The following SYNE3 variants were observed in gnomAD, a reference collection of about 807,000 sequenced individuals.
SYNE3 encodes spectrin repeat containing nuclear envelope family member 3, also known as nesprin-3.
In SYNE3, 100 loss-of-function variants were observed where a neutral mutation model predicts 111.2. The observed-to-expected ratio is 0.90, with a 90% CI of 0.77 to 1.06. The LOEUF is 1.06. SYNE3 is among the 50% of genes least tolerant of loss of function. The pLI, the probability that SYNE3 is intolerant of heterozygous loss-of-function variation, is 0.00. For synonymous variants in SYNE3, 547 were observed against 533.9 expected, an observed-to-expected ratio of 1.02 and a Z score of -0.34; for missense variants, 1,160 against 1,240.3, an observed-to-expected ratio of 0.94 and a Z score of 0.97.
chr14:95,483,380 T>G (rs1889369218), intron 1 of SYNE3, among the ~76,000 whole-genome samples: 1 of 152,180 alleles, frequency 6.6e-6, no homozygotes, highest in Non-Finnish European at 1.5e-5. Flanking sequence ...CACTCGGCTG[T>G]CCTGTGACTC....
chr14:95,456,537 C>G (rs1887450052), intron 5 of SYNE3, among the ~76,000 whole-genome samples: 1 of 152,214 alleles, frequency 6.6e-6, no homozygotes, highest in African/African-American at 2.4e-5. Context: ...CCTCTACCCT[C>G]TTAGGACATT....
At chr14:95,444,291 G>T in intron 10 of SYNE3, 194 bp downstream of exon 10, 1 of 660,016 alleles carries the variant, frequency 1.5e-6, no homozygotes, top group Non-Finnish European at 2.4e-6. Flanking sequence ...TCAAGACTCA[G>T]TTGTTTGAGG....
At chr14:95,494,009 GCGAGAATTCAAAT>G (rs1889968396) in intron 1 of SYNE3, among the ~76,000 whole-genome samples, 1 of 152,122 alleles carries the variant, frequency 6.6e-6, no homozygotes, top group Non-Finnish European at 1.5e-5. Flanking sequence ...TAGCTGGGAG[GCGAGAATTCAAAT>G]CTAACACCAT....
At chr14:95,468,933 A>G (rs546480452) in intron 2 of SYNE3, among the ~76,000 whole-genome samples, 14 of 152,172 alleles carry the variant, frequency 9.2e-5, no homozygotes, top group Non-Finnish European at 1.8e-4. Context: ...TTCCAATCCC[A>G]GGGCCACTCC....
At chr14:95,472,292 C>T (rs1043391880) in intron 2 of SYNE3, among the ~76,000 whole-genome samples, 2 of 152,240 alleles carry the variant, frequency 1.3e-5, no homozygotes, top group African/African-American at 2.4e-5. Flanking sequence ...CTGCCTGGCT[C>T]AGGCCAGGAC....
chr14:95,443,216 T>C lies in SYNE3; in HGVS notation c.1850A>G (p.Asn617Ser), dbSNP rs910953674. The change falls in exon 11 of 18, where the codon AAC (asparagine) becomes AGC (serine). Residue 617 changes from asparagine (N) to serine (S), a missense_variant. Coordinates refer to ENST00000682763, the MANE Select transcript of SYNE3 (RefSeq NM_152592.6). ...AAGCTGGTCCATTTTGTGCTGGTGG[T>C]TGGGGTTCTCCTGGACCAGAGGCCT... ...AARPLVQENP[N>S]HQHKMDQLSS... The C allele has an allele frequency of 1.9e-6, 3 of 1,614,010 alleles. No homozygotes were observed. The highest frequency in any genetic ancestry group is 2.7e-5 in the African/African-American group (2 of 74,910).
At chr14:95,474,939 A>G (rs937409366) in intron 2 of SYNE3, among the ~76,000 whole-genome samples, 1 of 152,252 alleles carries the variant, frequency 6.6e-6, no homozygotes, top group Non-Finnish European at 1.5e-5. Context: ...GAGGTGTGGA[A>G]GTCAACTGCT....
chr14:95,473,152 G>A lies in SYNE3; in HGVS notation c.144+2526C>T, dbSNP rs147401379. On this transcript the variant is annotated intron_variant, in intron 2 of 17. Coordinates refer to ENST00000682763, the MANE Select transcript of SYNE3 (RefSeq NM_152592.6). ...AAACACACAGTAAATGAAGCATGCCGGAGCCCCGTGGGAGGAGACACTGGC... is the reference window on the plus strand; with the variant it reads ...AAACACACAGTAAATGAAGCATGCCAGAGCCCCGTGGGAGGAGACACTGGC... Among the ~76,000 whole-genome samples the A allele has an allele frequency of 9.2e-5, 14 of 152,190 alleles. No individual in the cohort carries two copies. The East Asian group carries it at 1.9e-3, about 21-fold the overall frequency.
At position 95,409,313 on chromosome 14, in the gene SYNE3, T is replaced by C. The variant is rs774091478; in HGVS notation, c.*8513A>G. On this transcript the variant is annotated 3_prime_UTR_variant, in exon 18 of 18. Coordinates refer to ENST00000682763, the MANE Select transcript of SYNE3 (RefSeq NM_152592.6). ...GCTTTTTGAAAGTGTCATGACCATA[T>C]TGCAGGCGCTCGGGGTATGTTTTCT... is the stretch of plus-strand genomic sequence containing the variant. 4.4e-6 allele frequency: 2 copies of C among 456,744 alleles called. No individual in the cohort carries two copies. Among genetic ancestry groups the C allele is most frequent in the South Asian group, 3.1e-5 (2 of 64,572 alleles). 28.3% of individuals were successfully genotyped at this position (456,744 alleles called of 1,614,324 possible).
chr14:95,457,207 C>G lies in SYNE3; in HGVS notation c.759G>C (p.Leu253=). The G allele has an allele frequency of 6.2e-7, 1 of 1,614,032 alleles. No individual in the cohort carries two copies. Among genetic ancestry groups the G allele is most frequent in the Non-Finnish European group, 8.5e-7 (1 of 1,179,980 alleles). Residue 253 remains leucine (L), a synonymous_variant, in exon 5 of 18, where the codon CTG becomes CTC. Transcript: ENST00000682763. ...VNGCLGRNCK[L]PITQRLSTLQ... ...GTGTGGAGAGGCGCTGCGTGATGGG[C>G]AGCTTGCAGTTCCGCCCCAGGCAGC... is the stretch of plus-strand genomic sequence containing the variant.
intron 1 of SYNE3, among the ~76,000 whole-genome samples, chr14:95,477,176 C>T (rs1595239686): frequency 6.6e-6 from 1 of 152,336 alleles, no homozygotes; most frequent in African/African-American, 2.4e-5. Context: ...GCAGGAGGAT[C>T]GCTTGAGCCC....
intron 2 of SYNE3, among the ~76,000 whole-genome samples, chr14:95,472,315 CA>C (rs1888576933): frequency 6.6e-6 from 1 of 152,124 alleles, no homozygotes; most frequent in Non-Finnish European, 1.5e-5. Context: ...AGATACAGGA[CA>C]AGGGAGCCTG....
rs59220960 is a variant in SYNE3, at chr14:95,415,276, G to GCCCCCCCCCCCCCCCCCCCCCCCC, written c.*2549_*2550insGGGGGGGGGGGGGGGGGGGGGGGG. On this transcript the variant is annotated 3_prime_UTR_variant, in exon 18 of 18. Coordinates refer to ENST00000682763, the MANE Select transcript of SYNE3 (RefSeq NM_152592.6). ...CATAGGAAAGTGGACACCTGGCAAG[G>GCCCCCCCCCCCCCCCCCCCCCCCC]CCCCCCCACCCACCCACCCTGCCAC... is the stretch of plus-strand genomic sequence containing the variant. 8.1e-4 allele frequency: 113 copies of GCCCCCCCCCCCCCCCCCCCCCCCC among 139,642 alleles called. No homozygotes were observed. The highest frequency in any genetic ancestry group is 1.6e-3 in the Admixed American group (22 of 13,666). 8.7% of individuals were successfully genotyped at this position (139,642 alleles called of 1,614,324 possible). A position where few individuals can be genotyped will look rare whatever the true frequency, so the allele number is the denominator to read the frequency against.
chr14:95,424,145 G>A (rs1418766731), intron 17 of SYNE3, among the ~76,000 whole-genome samples: 1 of 152,194 alleles, frequency 6.6e-6, no homozygotes. Flanking sequence ...TGAAGACAGT[G>A]CATAACCACA....
In SYNE3 at chr14:95,408,818, T is replaced by C. The variant is rs984541088; in HGVS notation, c.*9008A>G. 19 of 266,712 alleles carry C rather than the reference T, an allele frequency of 7.1e-5. No homozygotes were observed. The East Asian group carries it at 1.1e-3, about 16-fold the overall frequency. The allele number at this position is 266,712 out of a possible 1,614,324, so 16.5% of individuals were successfully genotyped here. A position where few individuals can be genotyped will look rare whatever the true frequency, so the allele number is the denominator to read the frequency against. Reference sequence around the variant, plus strand: ...CTCCTTGTTTCTCCCATGAGAGGAATTGGAACTGCTCAGCAGGCAGAGACC... The same window carrying C: ...CTCCTTGTTTCTCCCATGAGAGGAACTGGAACTGCTCAGCAGGCAGAGACC... On this transcript the variant is annotated 3_prime_UTR_variant, in exon 18 of 18. Transcript: ENST00000682763.
intron 17 of SYNE3, among the ~76,000 whole-genome samples, chr14:95,423,070 G>A (rs1449995488): frequency 1.3e-5 from 2 of 152,230 alleles, no homozygotes; most frequent in Admixed American, 6.5e-5. Flanking sequence ...ACGTGGACAC[G>A]ATGGCAGTGG....
intron 16 of SYNE3, 38 bp downstream of exon 16, chr14:95,433,222 T>C (rs1885890015): frequency 1.2e-6 from 2 of 1,605,728 alleles, no homozygotes; most frequent in African/African-American, 2.7e-5. Flanking sequence ...TATAGTCCTG[T>C]CCCTGGAATC....
At chr14:95,450,551 C>G (rs1887011872) in intron 7 of SYNE3, 1 of 160,178 alleles carries the variant, frequency 6.2e-6, no homozygotes, top group Admixed American at 6.1e-5. Context: ...ATAGTGCATG[C>G]CTGTAGTCCT....
In SYNE3 at chr14:95,421,286, T is replaced by C. The variant is rs549031634; in HGVS notation, c.2728-3260A>G. On this transcript the variant is annotated intron_variant, in intron 17 of 17. Transcript: ENST00000682763. Reference sequence around the variant, plus strand: ...AGGGAGTATATGTTGTGTAGAGGAGTTAACATACCCAACAGAGGCTCTGAC... The same window carrying C: ...AGGGAGTATATGTTGTGTAGAGGAGCTAACATACCCAACAGAGGCTCTGAC... 1.5e-4 allele frequency among the ~76,000 whole-genome samples: 22 copies of C among 151,662 alleles called. No individual in the cohort carries two copies. The East Asian group carries it at 4.3e-3, about 29-fold the overall frequency.
Sources: allele counts gnomAD v4.1 joint callset (sites outside exome capture counted in the v4.1 genomes callset), GRCh38; gene constraint gnomAD v4.1.1; transcripts MANE v1.5; gene names NCBI Gene and HGNC (gene_info 2026-07-23, HGNC 2026-07-21).